Variants in RAD18 observed in about 807,000 individuals in gnomAD.
RAD18 encodes the protein E3 ubiquitin-protein ligase RAD18.
RAD18 carries 47 observed loss-of-function variants against 60.4 expected under a neutral mutation model. That is an observed-to-expected ratio of 0.78 (90% CI 0.62 to 0.99). RAD18 has a LOEUF of 0.99. Among genes scored for constraint, RAD18 ranks in the 50% least tolerant of loss-of-function variants. The probability of loss-of-function intolerance (pLI) is 0.00; values close to 1 mark genes in which losing one functional copy is unlikely to be tolerated. For synonymous variants in RAD18, 225 were observed against 195.5 expected (o/e 1.15, Z -1.26); for missense variants, 640 against 593.3 (o/e 1.08, Z -0.82).
intron 7 of RAD18, among the ~76,000 whole-genome samples, chr3:8,931,321 C>T (rs952644823): frequency 6.6e-6 from 1 of 152,126 alleles, no homozygotes; most frequent in African/African-American, 2.4e-5. Context: ...GGAACACACA[C>T]ACATAAAAAA....
chr3:8,963,416 A>G lies in RAD18; in HGVS notation c.-31T>C. 6.4e-7 allele frequency: 1 copy of G among 1,569,638 alleles called. No individual in the cohort carries two copies. Among genetic ancestry groups the G allele is most frequent in the Non-Finnish European group, 8.7e-7 (1 of 1,153,746 alleles). The stretch of plus-strand genomic sequence containing the variant: ...CTCCCGAGGATGCTGGGGGTCAGCC[A>G]CCCACTAGCCTCCGGCGCTCCAACA... On this transcript the variant is annotated 5_prime_UTR_variant, in exon 1 of 13. Transcript: ENST00000264926.
intron 7 of RAD18, among the ~76,000 whole-genome samples, chr3:8,925,342 A>T (rs1036985014): frequency 6.6e-6 from 1 of 151,928 alleles, no homozygotes; most frequent in Non-Finnish European, 1.5e-5. Flanking sequence ...ACACATACAC[A>T]CTCCCAAGAC....
rs1464750302 is a variant in RAD18 at position 8,880,886 on chromosome 3, C to G, written c.*471G>C. ...GTGGTGGCGTGCATCGGTACTTACA[C>G]ACACCAAGGATGTGAACTGACATCC... is the stretch of plus-strand genomic sequence containing the variant. On this transcript the variant is annotated 3_prime_UTR_variant, in exon 13 of 13. Transcript: ENST00000264926. The G allele has an allele frequency of 2.5e-5, 4 of 157,126 alleles. No homozygotes were observed. The highest frequency in any genetic ancestry group is 5.6e-5 in the Non-Finnish European group (4 of 71,300). 9.7% of individuals were successfully genotyped at this position (157,126 alleles called of 1,614,324 possible).
intron 7 of RAD18, among the ~76,000 whole-genome samples, chr3:8,919,391 G>C (rs1281935674): frequency 6.6e-6 from 1 of 152,084 alleles, no homozygotes; most frequent in Non-Finnish European, 1.5e-5. Context: ...AAGACAAGAT[G>C]CCAATACCTG....
intron 12 of RAD18, among the ~76,000 whole-genome samples, chr3:8,882,253 T>G (rs899972671): frequency 6.6e-6 from 1 of 152,168 alleles, no homozygotes; most frequent in African/African-American, 2.4e-5. Flanking sequence ...CTATGGCCTC[T>G]GGGGAAGGAA....
At chr3:8,884,227 C>T (rs1178318387) in intron 12 of RAD18, among the ~76,000 whole-genome samples, 6 of 152,176 alleles carry the variant, frequency 3.9e-5, no homozygotes, top group Non-Finnish European at 8.8e-5. Context: ...CACCACAAAG[C>T]TCACTGTTCT....
intron 11 of RAD18, among the ~76,000 whole-genome samples, chr3:8,893,251 C>T (rs530052825): frequency 9.1e-4 from 139 of 152,232 alleles, no homozygotes; most frequent in African/African-American, 2.3e-3. Context: ...AAAACGCAAA[C>T]ATCTGCTATA....
At chr3:8,897,043 T>C (rs912603214) in intron 11 of RAD18, among the ~76,000 whole-genome samples, 3 of 152,300 alleles carry the variant, frequency 2.0e-5, no homozygotes, top group Non-Finnish European at 2.9e-5. Context: ...AATTAAACAT[T>C]TGTGCTTACA....
chr3:8,912,489 ATC>A, intron 8 of RAD18, 117 bp from the exon 9 acceptor site: 1 of 675,742 alleles, frequency 1.5e-6, no homozygotes, highest in Middle Eastern at 2.7e-4. Flanking sequence ...ATGATCTCTC[ATC>A]TGTTTTATAT....
chr3:8,950,956 C>T (rs937883991), intron 2 of RAD18, among the ~76,000 whole-genome samples: 3 of 151,740 alleles, frequency 2.0e-5, no homozygotes, highest in East Asian at 1.9e-4. Flanking sequence ...TGGAAACCTC[C>T]AAAACTGAAA....
chr3:8,951,712 T>G (rs111783173), intron 2 of RAD18, among the ~76,000 whole-genome samples: 294 of 152,346 alleles, frequency 1.9e-3, no homozygotes, highest in African/African-American at 6.8e-3. Flanking sequence ...TATGCATAAG[T>G]GAAATGAATG....
intron 11 of RAD18, among the ~76,000 whole-genome samples, chr3:8,892,030 C>A (rs1034676836): frequency 6.6e-6 from 1 of 152,158 alleles, no homozygotes; most frequent in African/African-American, 2.4e-5. Flanking sequence ...GGGATAAAAG[C>A]AATTAATATT....
At chr3:8,937,613 C>T (rs1231559742) in intron 6 of RAD18, among the ~76,000 whole-genome samples, 1 of 151,798 alleles carries the variant, frequency 6.6e-6, no homozygotes, top group Non-Finnish European at 1.5e-5. Context: ...GACTCCGTGG[C>T]CAAGATACAA....
At chr3:8,927,015 T>C (rs1453450394) in intron 7 of RAD18, among the ~76,000 whole-genome samples, 1 of 152,054 alleles carries the variant, frequency 6.6e-6, no homozygotes, top group Non-Finnish European at 1.5e-5. Context: ...ACTTCATGTC[T>C]AAAACACCAA....
chr3:8,929,266 T>A (rs890280587), intron 7 of RAD18, among the ~76,000 whole-genome samples: 4 of 151,490 alleles, frequency 2.6e-5, no homozygotes, highest in Non-Finnish European at 1.5e-5. Flanking sequence ...AGACAAAAAC[T>A]GAGAAAAAGC....
At chr3:8,928,201 C>T (rs932984960) in intron 7 of RAD18, among the ~76,000 whole-genome samples, 1 of 151,488 alleles carries the variant, frequency 6.6e-6, no homozygotes, top group South Asian at 2.1e-4. Flanking sequence ...AGAAGTATAG[C>T]TCGTAAAATG....
rs1184192395 is a variant in RAD18 at position 8,891,868 on chromosome 3, T to A, written c.1323-1417A>T. Among the ~76,000 whole-genome samples the A allele has an allele frequency of 5.3e-5, 8 of 152,332 alleles. No homozygotes were observed. The South Asian group carries it at 6.2e-4, about 12-fold the overall frequency. ...CAATTAAAATACCAGACAGAACTGC[T>A]CATTCCTTTTTCAAGTAATGTGCTT... On this transcript the variant is annotated intron_variant, in intron 11 of 12. Coordinates refer to ENST00000264926, the MANE Select transcript of RAD18 (RefSeq NM_020165.4).
At chr3:8,926,219 G>C (rs1940430677) in intron 7 of RAD18, among the ~76,000 whole-genome samples, 1 of 152,116 alleles carries the variant, frequency 6.6e-6, no homozygotes, top group African/African-American at 2.4e-5. Context: ...CAAAGACTCA[G>C]GATACAAAAT....
rs576256643 is a variant in RAD18, at chr3:8,879,026, T to A, written c.*2331A>T. ...GGATATGAACATACATTTCTTTCAATGTATGAATATTAAACATATGCTAAG... is the reference window on the plus strand; with the variant it reads ...GGATATGAACATACATTTCTTTCAAAGTATGAATATTAAACATATGCTAAG... On this transcript the variant is annotated 3_prime_UTR_variant, in exon 13 of 13. Coordinates refer to ENST00000264926, the MANE Select transcript of RAD18 (RefSeq NM_020165.4). 44 of 152,352 alleles carry A rather than the reference T, an allele frequency of 2.9e-4. No individual in the cohort carries two copies. Among genetic ancestry groups the A allele is most frequent in the African/African-American group, 1.0e-3 (43 of 41,582 alleles). 9.4% of individuals were successfully genotyped at this position (152,352 alleles called of 1,614,324 possible).
Sources: allele counts gnomAD v4.1 joint callset (sites outside exome capture counted in the v4.1 genomes callset), GRCh38; gene constraint gnomAD v4.1.1; transcripts MANE v1.5; gene names NCBI Gene and HGNC (gene_info 2026-07-23, HGNC 2026-07-21).